The following ATXN7L1 variants were observed in gnomAD, a reference collection of about 807,000 sequenced individuals.
ATXN7L1 encodes ataxin-7-like protein 1.
In ATXN7L1, 15 loss-of-function variants were observed where a neutral mutation model predicts 70.8. The observed-to-expected ratio is 0.21, with a 90% CI of 0.14 to 0.33. The LOEUF (loss-of-function observed/expected upper bound fraction) is 0.33. Ranked by LOEUF, ATXN7L1 falls within the 10% of genes least tolerant of loss-of-function variation. The pLI is 1.00. For synonymous variants in ATXN7L1, 440 were observed against 445.1 expected (o/e 0.99, Z 0.14); for missense variants, 975 against 1,097.1 (o/e 0.89, Z 1.57).
intron 3 of ATXN7L1, among the ~76,000 whole-genome samples, chr7:105,672,296 CA>C (rs1417922753): frequency 6.6e-6 from 1 of 151,624 alleles, no homozygotes; most frequent in Non-Finnish European, 1.5e-5. Context: ...CTGCCCCCCC[CA>C]AAAAAGAGAG....
At chr7:105,694,958 C>G (rs1317685701) in intron 3 of ATXN7L1, among the ~76,000 whole-genome samples, 7 of 152,214 alleles carry the variant, frequency 4.6e-5, no homozygotes, top group Non-Finnish European at 8.8e-5. Flanking sequence ...TCGAAACCAG[C>G]CCAGCCAACA....
intron 2 of ATXN7L1, chr7:105,820,121 T>C (rs1809897028): frequency 8.5e-6 from 1 of 117,266 alleles, no homozygotes; most frequent in Non-Finnish European, 1.5e-5. Flanking sequence ...AGACTGTTTA[T>C]TCCTCAAAAA....
intron 2 of ATXN7L1, among the ~76,000 whole-genome samples, chr7:105,818,944 G>A (rs1379892239): frequency 1.3e-5 from 2 of 150,870 alleles, no homozygotes; most frequent in African/African-American, 2.4e-5. Flanking sequence ...GTACAGGTTT[G>A]ATATAGGTAT....
intron 3 of ATXN7L1, among the ~76,000 whole-genome samples, chr7:105,765,803 C>T (rs971307364): frequency 3.8e-4 from 58 of 152,292 alleles, no homozygotes; most frequent in African/African-American, 1.3e-3. Context: ...CCGATCCATG[C>T]TCAACAGATC....
chr7:105,799,801 C>A lies in ATXN7L1; in HGVS notation c.251-11093G>T, dbSNP rs949652612. Among the ~76,000 whole-genome samples, 4 of 152,152 alleles carry A rather than the reference C, an allele frequency of 2.6e-5. No individual in the cohort carries two copies. The East Asian group carries it at 7.7e-4, about 29-fold the overall frequency. On this transcript the variant is annotated intron_variant, in intron 2 of 11. Coordinates refer to ENST00000419735, the MANE Select transcript of ATXN7L1 (RefSeq NM_020725.2). ...TGTCCCTGGGAATCGGTGTTCAAAG[C>A]ACTCCAGCCACTGGGACAGCCAGAC...
chr7:105,876,234 T>G (rs1327712636), intron 1 of ATXN7L1, 144 bp downstream of exon 1: 48 of 1,115,072 alleles, frequency 4.3e-5, no homozygotes, highest in Non-Finnish European at 5.9e-5. Context: ...TGTCTCTGTG[T>G]GTATTTATTT....
At chr7:105,746,377 A>T (rs1377726072) in intron 3 of ATXN7L1, among the ~76,000 whole-genome samples, 10 of 152,198 alleles carry the variant, frequency 6.6e-5, no homozygotes, top group Admixed American at 6.5e-4. Context: ...CTCCCTGAGC[A>T]GTCAATCTCT....
intron 3 of ATXN7L1, among the ~76,000 whole-genome samples, chr7:105,702,551 C>G (rs906310977): frequency 1.9e-4 from 28 of 150,936 alleles, no homozygotes; most frequent in African/African-American, 6.4e-4. Flanking sequence ...CCACAACACA[C>G]ACACACACAC....
At chr7:105,741,389 G>A (rs1474308964) in intron 3 of ATXN7L1, among the ~76,000 whole-genome samples, 1 of 131,954 alleles carries the variant, frequency 7.6e-6, no homozygotes, top group East Asian at 2.3e-4. Context: ...CCAATAACCA[G>A]GTCATATCCT....
chr7:105,711,229 T>C (rs187862144), intron 3 of ATXN7L1, among the ~76,000 whole-genome samples: 2 of 152,126 alleles, frequency 1.3e-5, no homozygotes, highest in East Asian at 1.9e-4. Context: ...CAATTCAACA[T>C]GAGATTTGGA....
At chr7:105,715,950 CT>C (rs1356843837) in intron 3 of ATXN7L1, among the ~76,000 whole-genome samples, 1 of 152,082 alleles carries the variant, frequency 6.6e-6, no homozygotes, top group African/African-American at 2.4e-5. Context: ...CACCAGCAGG[CT>C]TCAGGTATAG....
chr7:105,746,099 G>A (rs559392526), intron 3 of ATXN7L1, among the ~76,000 whole-genome samples: 2 of 152,118 alleles, frequency 1.3e-5, no homozygotes, highest in African/African-American at 4.8e-5. Flanking sequence ...AGCAAATCAC[G>A]TGGGCCCTAT....
chr7:105,770,865 T>A (rs945063343), intron 3 of ATXN7L1, among the ~76,000 whole-genome samples: 1 of 152,154 alleles, frequency 6.6e-6, no homozygotes, highest in African/African-American at 2.4e-5. Flanking sequence ...CAAAGTGGGT[T>A]CTGTGGACCA....
chr7:105,694,220 A>G (rs13222460), intron 3 of ATXN7L1, among the ~76,000 whole-genome samples: 104,717 of 151,666 alleles, frequency 0.69, 36,889 homozygotes, highest in Non-Finnish European at 0.76. Flanking sequence ...GCTAATTTTT[A>G]TATTTTTAGT....
chr7:105,736,743 G>C (rs1295935422), intron 3 of ATXN7L1, among the ~76,000 whole-genome samples: 1 of 152,216 alleles, frequency 6.6e-6, no homozygotes, highest in African/African-American at 2.4e-5. Context: ...CTCTTCCCCA[G>C]ACTAATTAAA....
intron 3 of ATXN7L1, among the ~76,000 whole-genome samples, chr7:105,746,036 C>T (rs1384561755): frequency 6.6e-6 from 1 of 152,180 alleles, no homozygotes; most frequent in Non-Finnish European, 1.5e-5. Context: ...GTGGTTCAGG[C>T]CAAAACCTCA....
At chr7:105,836,456 C>A (rs1269160538) in intron 2 of ATXN7L1, among the ~76,000 whole-genome samples, 3 of 152,044 alleles carry the variant, frequency 2.0e-5, no homozygotes, top group Non-Finnish European at 2.9e-5. Context: ...AATGGGATGC[C>A]AGCATTTAAA....
intron 5 of ATXN7L1, among the ~76,000 whole-genome samples, chr7:105,640,628 T>TGGGCTCA (rs1012531743): frequency 2.6e-5 from 4 of 152,186 alleles, no homozygotes; most frequent in African/African-American, 9.7e-5. Context: ...CTCGACCTCC[T>TGGGCTCA]GGGCTCAAGC....
At chr7:105,739,395 C>T (rs78342482) in intron 3 of ATXN7L1, among the ~76,000 whole-genome samples, 50 of 152,340 alleles carry the variant, frequency 3.3e-4, no homozygotes, top group Non-Finnish European at 5.0e-4. Flanking sequence ...TTGAGAAGCA[C>T]GCCCAGAAGG....
Sources: allele counts gnomAD v4.1 joint callset (sites outside exome capture counted in the v4.1 genomes callset), GRCh38; gene constraint gnomAD v4.1.1; transcripts MANE v1.5; gene names NCBI Gene and HGNC (gene_info 2026-07-23, HGNC 2026-07-21).